Variants in RIC1 observed in about 807,000 individuals in gnomAD.
RIC1 encodes guanine nucleotide exchange factor subunit RIC1.
RIC1 carries 88 observed loss-of-function variants against 169.0 expected under a neutral mutation model. The observed-to-expected ratio is 0.52, with a 90% CI of 0.44 to 0.62. The LOEUF (loss-of-function observed/expected upper bound fraction) is 0.62, where lower values mean the gene tolerates loss of function less well. Ranked by LOEUF, RIC1 falls within the 20% of genes least tolerant of loss-of-function variation. The pLI is 0.00. For missense variants in RIC1, 1,877 were observed against 1,725.5 expected (o/e 1.09, Z -1.56); for synonymous variants, 790 against 601.5 (o/e 1.31, Z -4.59).
chr9:5,757,166 A>T (rs1274757181), intron 16 of RIC1, 147 bp from the exon 17 acceptor site: 2 of 907,224 alleles, frequency 2.2e-6, no homozygotes, highest in African/African-American at 1.7e-5. Flanking sequence ...CAACTTCCTG[A>T]TCGAAGGATA....
chr9:5,632,348 T>G (rs1183439636), intron 1 of RIC1, among the ~76,000 whole-genome samples: 2 of 152,232 alleles, frequency 1.3e-5, no homozygotes, highest in African/African-American at 4.8e-5. Context: ...TTAAAATCTC[T>G]AACTGTACAT....
chr9:5,715,905 C>T (rs1363081668), intron 4 of RIC1, among the ~76,000 whole-genome samples: 8 of 151,554 alleles, frequency 5.3e-5, no homozygotes, highest in South Asian at 2.1e-4. Context: ...CTAATTGCAG[C>T]GGCATGATCA....
intron 1 of RIC1, among the ~76,000 whole-genome samples, chr9:5,654,721 T>C (rs1027092442): frequency 6.6e-6 from 1 of 152,072 alleles, no homozygotes; most frequent in Admixed American, 6.6e-5. Flanking sequence ...ACCTGGCTAA[T>C]TTTTGTATTT....
intron 4 of RIC1, among the ~76,000 whole-genome samples, chr9:5,717,989 A>C (rs1823360490): frequency 6.6e-6 from 1 of 151,308 alleles, no homozygotes; most frequent in African/African-American, 2.4e-5. Flanking sequence ...AAAATACAAA[A>C]ATTAGCTGGG....
chr9:5,752,648 C>G (rs1587114086), intron 12 of RIC1, among the ~76,000 whole-genome samples: 1 of 152,106 alleles, frequency 6.6e-6, no homozygotes, highest in East Asian at 1.9e-4. Context: ...GTTGGTCAGG[C>G]TGGTCACAAA....
chr9:5,742,443 A>C (rs1228027318), intron 8 of RIC1, among the ~76,000 whole-genome samples: 2 of 152,172 alleles, frequency 1.3e-5, no homozygotes, highest in African/African-American at 4.8e-5. Context: ...TTCCAGAAAT[A>C]GAAATTTGCT....
chr9:5,765,419 G>A lies in RIC1; in HGVS notation c.2847G>A (p.Met949Ile). Residue 949 changes from methionine to isoleucine, a missense_variant, in exon 20 of 26, where the codon ATG becomes ATA. Met to Ile is a conservative substitution (Grantham distance 10). This residue lies in a region of RIC1 where 681 missense variants were observed against 582.0 expected (regional missense o/e 1.17). Transcript: ENST00000414202. ...AASYLIILQN[M>I]EVPAVSRQHA... Reference sequence around the variant, plus strand: ...GTCCTGGTTGTTTTTTGTAGAATATGGAAGTCCCTGCAGTAAGTAGGCAAC... The same window carrying A: ...GTCCTGGTTGTTTTTTGTAGAATATAGAAGTCCCTGCAGTAAGTAGGCAAC... The A allele has an allele frequency of 6.2e-7, 1 of 1,612,236 alleles. No homozygotes were observed. Among genetic ancestry groups the A allele is most frequent in the Non-Finnish European group, 8.5e-7 (1 of 1,179,382 alleles).
At position 5,763,324 on chromosome 9, in the gene RIC1, A is replaced by G. The variant is rs1826462478; in HGVS notation, c.2297A>G (p.Gln766Arg). 2 of 1,614,154 alleles carry G rather than the reference A, an allele frequency of 1.2e-6. No individual in the cohort carries two copies. Among genetic ancestry groups the G allele is most frequent in the African/African-American group, 1.3e-5 (1 of 75,016 alleles). ...CGCAAGCCCCATTCCTTCTTGTCCC[A>G]GCGGATCATGCTGCCTTTCCACATC... is the stretch of plus-strand genomic sequence containing the variant. ...DHRKPHSFLS[Q>R]RIMLPFHINI... The change falls in exon 19 of 26, where the codon CAG becomes CGG. Residue 766 changes from glutamine to arginine, a missense_variant. Physicochemically the swap from Gln to Arg is conservative, Grantham distance 43. Coordinates refer to ENST00000414202, the MANE Select transcript of RIC1 (RefSeq NM_020829.4). The surrounding 1 kb of genome is among the most constrained non-coding windows in gnomAD (Gnocchi z 5.2).
In RIC1 at chr9:5,765,782, G is replaced by T. The variant is rs747692758; in HGVS notation, c.3121G>T (p.Gly1041Cys). Reference sequence around the variant, plus strand: ...ACAGAAAACACTAAGTATGCCATCTGGTCCCTCTGGAAAAAGGTAAAATAA... The same window carrying T: ...ACAGAAAACACTAAGTATGCCATCTTGTCCCTCTGGAAAAAGGTAAAATAA... ...SLQKTLSMPS[G>C]PSGKRWSKDS... The change falls in exon 21 of 26, where the codon GGT (glycine) becomes TGT (cysteine). Residue 1041 changes from glycine to cysteine, a missense_variant. By Grantham distance (159) the Gly-to-Cys change is radical. Transcript: ENST00000414202. 1 of 1,613,944 alleles carries T rather than the reference G, an allele frequency of 6.2e-7. No individual in the cohort carries two copies. The highest frequency in any genetic ancestry group is 8.5e-7 in the Non-Finnish European group (1 of 1,179,978).
intron 3 of RIC1, among the ~76,000 whole-genome samples, chr9:5,696,587 A>G (rs1047689792): frequency 2.0e-5 from 3 of 149,596 alleles, no homozygotes; most frequent in Non-Finnish European, 3.0e-5. Context: ...TAATTCATCA[A>G]TACCTTCTTA....
At chr9:5,682,489 C>A (rs1034509724) in intron 2 of RIC1, among the ~76,000 whole-genome samples, 1 of 152,160 alleles carries the variant, frequency 6.6e-6, no homozygotes, top group African/African-American at 2.4e-5. Context: ...TATTGGCCCT[C>A]ACTCTCTTCT....
At chr9:5,713,825 TTGTATG>T in intron 3 of RIC1, 65 bp from the exon 4 acceptor site, 1 of 857,434 alleles carries the variant, frequency 1.2e-6, no homozygotes, top group Non-Finnish European at 1.9e-6. Context: ...CTTTATTTGA[TTGTATG>T]TGTATTAGCC....
intron 6 of RIC1, among the ~76,000 whole-genome samples, chr9:5,724,467 T>G (rs200696310): frequency 2.6e-5 from 4 of 152,158 alleles, no homozygotes; most frequent in African/African-American, 4.8e-5. Context: ...GCGCTGAGAC[T>G]ATGGAGTTTT....
intron 2 of RIC1, among the ~76,000 whole-genome samples, chr9:5,685,242 C>T (rs946557436): frequency 2.0e-5 from 3 of 149,408 alleles, no homozygotes; most frequent in Non-Finnish European, 4.4e-5. Flanking sequence ...CATCAAGCTA[C>T]CAATGAGTTT....
chr9:5,653,574 C>G (rs1315072567), intron 1 of RIC1, among the ~76,000 whole-genome samples: 3 of 149,350 alleles, frequency 2.0e-5, no homozygotes, highest in African/African-American at 7.3e-5. Flanking sequence ...GTATATGTCT[C>G]CATTTATTTT....
In RIC1 at chr9:5,720,173, T is replaced by C. The variant is rs1272745416; in HGVS notation, c.441-9T>C. On this transcript the variant is annotated splice_polypyrimidine_tract_variant and intron_variant, in intron 4 of 25. Transcript: ENST00000414202. Reference sequence around the variant, plus strand: ...TGCTCTCTTAAAAATTAATTGATTCTACCTACAGTTTGCAGTCTGTGTTGG... The same window carrying C: ...TGCTCTCTTAAAAATTAATTGATTCCACCTACAGTTTGCAGTCTGTGTTGG... The C allele has an allele frequency of 6.2e-7, 1 of 1,606,768 alleles. No homozygotes were observed. Among genetic ancestry groups the C allele is most frequent in the Admixed American group, 1.7e-5 (1 of 59,854 alleles).
chr9:5,729,124 G>A (rs1824195735), intron 6 of RIC1, among the ~76,000 whole-genome samples: 1 of 152,140 alleles, frequency 6.6e-6, no homozygotes, highest in Admixed American at 6.6e-5. Flanking sequence ...TGGGATTTGA[G>A]TTACAGAAGA....
At chr9:5,767,257 C>T (rs747256434) in intron 21 of RIC1, among the ~76,000 whole-genome samples, 1 of 152,194 alleles carries the variant, frequency 6.6e-6, no homozygotes, top group Non-Finnish European at 1.5e-5. Flanking sequence ...GAAGTTATTA[C>T]ACAGTCGGGG....
chr9:5,728,780 C>G (rs760804279), intron 6 of RIC1, among the ~76,000 whole-genome samples: 2 of 152,188 alleles, frequency 1.3e-5, no homozygotes, highest in Non-Finnish European at 2.9e-5. Context: ...GGCCTTCTGT[C>G]ATAATTATCC....
Sources: allele counts gnomAD v4.1 joint callset (sites outside exome capture counted in the v4.1 genomes callset), GRCh38; gene constraint gnomAD v4.1.1; regional missense constraint gnomAD v4.1.1; non-coding constraint Gnocchi (gnomAD v3.1); transcripts MANE v1.5; gene names NCBI Gene and HGNC (gene_info 2026-07-23, HGNC 2026-07-21).